Variants in RBMX2 observed in about 807,000 individuals in gnomAD.
RBMX2 encodes RNA-binding motif protein, X-linked 2.
For missense variants in RBMX2, 191 were observed against 256.0 expected, an observed-to-expected ratio of 0.75 and a Z score of 1.73; for synonymous variants, 77 against 94.3, an observed-to-expected ratio of 0.82 and a Z score of 1.07.
chrX:130,407,230 G>C (rs974073685), intron 3 of RBMX2, among the ~76,000 whole-genome samples: 1 of 109,180 alleles, frequency 9.2e-6, no homozygotes, highest in Non-Finnish European at 1.9e-5. Flanking sequence ...CCTTCACCCA[G>C]ATCCCCCAGC....
chrX:130,403,913 A>G, intron 3 of RBMX2, 60 bp downstream of exon 3: 1 of 1,110,009 alleles, frequency 9.0e-7, no homozygotes, highest in Middle Eastern at 2.4e-4. Context: ...TCTGTAATAC[A>G]TTTTGTGGCA....
chrX:130,412,165 A>G (rs145628223), intron 5 of RBMX2, among the ~76,000 whole-genome samples, 196 bp from the exon 6 acceptor site: 336 of 105,436 alleles, frequency 3.2e-3, no homozygotes, highest in African/African-American at 0.011. Flanking sequence ...TGACCTCGTG[A>G]TCCGCCTGTC....
At position 130,402,401 on chromosome X, in the gene RBMX2, C is replaced by T. The variant is rs577652141; in HGVS notation, c.121+31C>T. 3.3e-4 allele frequency: 396 copies of T among 1,189,510 alleles called. 4 individuals are homozygous for T. The South Asian group carries it at 6.8e-3, about 20-fold the overall frequency. On this transcript the variant is annotated intron_variant, in intron 2 of 5. Coordinates refer to ENST00000305536, the MANE Select transcript of RBMX2 (RefSeq NM_016024.4). ...GTCCACATCTTTCTTCCTCAGTGCTCTCCAGATTCTCCTGCTCGGTTTCCG... is the reference window on the plus strand; with the variant it reads ...GTCCACATCTTTCTTCCTCAGTGCTTTCCAGATTCTCCTGCTCGGTTTCCG...
intron 3 of RBMX2, chrX:130,404,107 G>A (rs2034471333): frequency 3.0e-5 from 11 of 362,853 alleles, no homozygotes; most frequent in Non-Finnish European, 5.3e-5. Context: ...TTTCACTGAG[G>A]CTTGTTCAGC....
intron 1 of RBMX2, 30 bp from the exon 2 acceptor site, chrX:130,402,225 A>AGCCAAACC: frequency 2.0e-6 from 2 of 984,785 alleles, no homozygotes; most frequent in South Asian, 2.0e-5. Context: ...TTTTCTGCCT[A>AGCCAAACC]CCCTCCCCAC....
chrX:130,412,743 T>G lies in RBMX2; in HGVS notation c.864T>G (p.Ser288Arg). 8.3e-7 allele frequency: 1 copy of G among 1,211,120 alleles called. No individual in the cohort carries two copies. The highest frequency in any genetic ancestry group is 2.3e-4 in the Middle Eastern group (1 of 4,317). Residue 288 changes from serine (S) to arginine (R), a missense_variant, in exon 6 of 6, where the codon AGT becomes AGG. Coordinates refer to ENST00000305536, the MANE Select transcript of RBMX2 (RefSeq NM_016024.4). ...SWYNGRSEGR[S>R]YRSRSRSRDK... ...ATAATGGGCGTTCTGAAGGGCGTAG[T>G]TATAGAAGTAGAAGTAGGAGCCGAG...
At position 130,413,596 on chromosome X, in the gene RBMX2, G is replaced by A. The variant is rs1321476766; in HGVS notation, c.*748G>A. On this transcript the variant is annotated 3_prime_UTR_variant, in exon 6 of 6. Transcript: ENST00000305536. ...TCCTCCCTGTCCCTAGCAACCACCA[G>A]TGGACTTCCTGTTTATGGGTTTGCC... Among the ~76,000 whole-genome samples the A allele has an allele frequency of 9.2e-6, 1 of 108,454 alleles. No homozygotes were observed. Among genetic ancestry groups the A allele is most frequent in the Non-Finnish European group, 1.9e-5 (1 of 52,558 alleles). 94.2% of individuals were successfully genotyped at this position (108,454 alleles called of 115,157 possible). A position where few individuals can be genotyped will look rare whatever the true frequency, so the allele number is the denominator to read the frequency against.
chrX:130,402,505 A>G, intron 2 of RBMX2, 135 bp downstream of exon 2: 1 of 1,042,645 alleles, frequency 9.6e-7, no homozygotes. Context: ...CTGCCCGGGA[A>G]TCCGTGTTAC....
chrX:130,403,986 C>A, intron 3 of RBMX2, 133 bp downstream of exon 3: 1 of 622,235 alleles, frequency 1.6e-6, no homozygotes, highest in Non-Finnish European at 2.7e-6. Context: ...AGGGCTGGAG[C>A]TTCTGTTCTA....
Position 130,411,431 on chromosome X carries a change from A to G in RBMX2, c.387A>G (p.Arg129=). 1 of 1,210,280 alleles carries G rather than the reference A, an allele frequency of 8.3e-7. No individual in the cohort carries two copies. The highest frequency in any genetic ancestry group is 1.1e-6 in the Non-Finnish European group (1 of 894,726). ...CAGAAGAAATAGATGATGTGACCAG[A>G]CAACTCCAGGAGAAGGGCTGTGGGG... ...KDSEEIDDVT[R]QLQEKGCGAR... is the part of the protein sequence containing the mutation. Residue 129 remains arginine (R), a synonymous_variant, in exon 5 of 6, where the codon AGA becomes AGG. Transcript: ENST00000305536.
chrX:130,412,650 G>A lies in RBMX2; in HGVS notation c.771G>A (p.Arg257=), dbSNP rs143679437. Residue 257 remains arginine (R), a synonymous_variant, in exon 6 of 6, where the codon AGG becomes AGA. Coordinates refer to ENST00000305536, the MANE Select transcript of RBMX2 (RefSeq NM_016024.4). ...PKHEHKSSSR[R]EAREEKTRIR... ...ACGAGCACAAGTCCTCAAGCAGGAG[G>A]GAGGCAAGAGAAGAAAAGACCAGGA... The A allele has an allele frequency of 6.0e-5, 73 of 1,206,906 alleles. No homozygotes were observed. The African/African-American group carries it at 1.3e-3, about 21-fold the overall frequency.
chrX:130,402,226 C>CCCCG, intron 1 of RBMX2, 29 bp from the exon 2 acceptor site: 1 of 835,639 alleles, frequency 1.2e-6, no homozygotes, highest in Non-Finnish European at 1.7e-6. Flanking sequence ...TTTCTGCCTA[C>CCCCG]CCTCCCCACC....
At position 130,402,043 on chromosome X, in the gene RBMX2, G is replaced by A; in HGVS notation, c.5+6G>A. 1 of 1,199,138 alleles carries A rather than the reference G, an allele frequency of 8.3e-7. No homozygotes were observed. Among genetic ancestry groups the A allele is most frequent in the South Asian group, 1.8e-5 (1 of 54,801 alleles). ...CGCGAACCCGAGGAGATGAAGTAAG[G>A]CGTCAGCTTCCTTTTGAGGAAGGAG... On this transcript the variant is annotated splice_donor_region_variant and intron_variant, in intron 1 of 5. Coordinates refer to ENST00000305536, the MANE Select transcript of RBMX2 (RefSeq NM_016024.4).
rs1204720519 is a variant in RBMX2, at chrX:130,403,292, C to A, written c.122-510C>A. ...GTTAGTGGTGACCCCGACTTCCACTCAAAATTAATTACTCCTTTTTCTGTA... is the reference window on the plus strand; with the variant it reads ...GTTAGTGGTGACCCCGACTTCCACTAAAAATTAATTACTCCTTTTTCTGTA... On this transcript the variant is annotated intron_variant, in intron 2 of 5. Coordinates refer to ENST00000305536, the MANE Select transcript of RBMX2 (RefSeq NM_016024.4). 2.7e-5 allele frequency among the ~76,000 whole-genome samples: 3 copies of A among 112,642 alleles called. No individual in the cohort carries two copies. The South Asian group carries it at 1.1e-3, about 41-fold the overall frequency.
intron 2 of RBMX2, among the ~76,000 whole-genome samples, chrX:130,402,925 C>T (rs1231551549): frequency 8.9e-6 from 1 of 112,594 alleles, no homozygotes; most frequent in African/African-American, 3.2e-5. Flanking sequence ...GTTATTGTAC[C>T]AAACATTGTG....
intron 4 of RBMX2, 114 bp downstream of exon 4, chrX:130,409,500 G>A (rs976287779): frequency 8.6e-5 from 67 of 782,944 alleles, no homozygotes; most frequent in African/African-American, 3.8e-4. Context: ...GGTGTGTTGC[G>A]GGGGCTGCAG....
chrX:130,406,046 G>A (rs2034483789), intron 3 of RBMX2, among the ~76,000 whole-genome samples: 1 of 68,389 alleles, frequency 1.5e-5, no homozygotes, highest in South Asian at 5.8e-4. Context: ...TAGTAGAGAC[G>A]GGGTTTCACC....
chrX:130,404,104 G>A, intron 3 of RBMX2: 1 of 372,087 alleles, frequency 2.7e-6, no homozygotes, highest in East Asian at 4.2e-5. Flanking sequence ...GTTTTTCACT[G>A]AGGCTTGTTC....
intron 4 of RBMX2, among the ~76,000 whole-genome samples, chrX:130,410,607 G>A (rs1419932107): frequency 2.7e-5 from 3 of 111,652 alleles, no homozygotes; most frequent in Non-Finnish European, 5.7e-5. Context: ...GGCTGGTCTC[G>A]TACTTCTGAC....
Sources: allele counts gnomAD v4.1 joint callset (sites outside exome capture counted in the v4.1 genomes callset), GRCh38; gene constraint gnomAD v4.1.1; transcripts MANE v1.5; gene names NCBI Gene and HGNC (gene_info 2026-07-23, HGNC 2026-07-21).